The following MLIP variants were observed in gnomAD, a reference collection of about 807,000 sequenced individuals.
MLIP encodes muscular LMNA-interacting protein.
MLIP carries 79 observed loss-of-function variants against 84.8 expected under a neutral mutation model. The observed-to-expected ratio is 0.93, with a 90% CI of 0.78 to 1.12. The LOEUF is 1.12. Among genes scored for constraint, MLIP ranks in the 50% most tolerant of loss-of-function variants. The pLI, the probability that MLIP is intolerant of heterozygous loss-of-function variation, is 0.00. For synonymous variants in MLIP, 504 were observed against 463.0 expected (o/e 1.09, Z -1.14); for missense variants, 1,257 against 1,160.6 (o/e 1.08, Z -1.21).
At chr6:54,127,264 G>T (rs1484428111) in intron 3 of MLIP, among the ~76,000 whole-genome samples, 3 of 151,994 alleles carry the variant, frequency 2.0e-5, no homozygotes, top group African/African-American at 7.2e-5. Flanking sequence ...TCATTCTGTT[G>T]TAATAATTTA....
At position 54,252,678 on chromosome 6, in the gene MLIP, T is replaced by G. The variant is rs78116240; in HGVS notation, c.2923-4630T>G. ...ACTATGTTTATATGAGATCTTTAGC[T>G]TCATCTAAAAGGCACAGGCTACTGT... On this transcript the variant is annotated intron_variant, in intron 12 of 13. Transcript: ENST00000502396. Among the ~76,000 whole-genome samples the G allele has an allele frequency of 4.1e-3, 617 of 151,702 alleles. 5 individuals carry two copies. The highest frequency in any genetic ancestry group is 0.014 in the African/African-American group (580 of 41,400).
At chr6:54,047,833 G>A (rs917260861) in intron 1 of MLIP, among the ~76,000 whole-genome samples, 4 of 152,250 alleles carry the variant, frequency 2.6e-5, no homozygotes, top group Non-Finnish European at 5.9e-5. Context: ...CAATGGCCAT[G>A]AGGCAGAGAT....
chr6:54,021,260 G>A (rs886807369), intron 1 of MLIP, among the ~76,000 whole-genome samples: 9 of 151,892 alleles, frequency 5.9e-5, no homozygotes, highest in African/African-American at 1.5e-4. Flanking sequence ...AGTAAAGTTC[G>A]TAAAAGTCTG....
Position 54,069,069 on chromosome 6 carries a change from T to C in MLIP, c.63+49978T>C, listed in dbSNP as rs1319410915. On this transcript the variant is annotated intron_variant, in intron 1 of 12. Coordinates refer to the MLIP transcript ENST00000274897. The stretch of plus-strand genomic sequence containing the variant: ...CACCCACAGCTAGTGCTGATTGTCC[T>C]GACTGGTATGGGGATGCATCCGCAG... Among the ~76,000 whole-genome samples, 3 of 101,678 alleles carry C rather than the reference T, an allele frequency of 3.0e-5. 1 individual carries two copies. Among genetic ancestry groups the C allele is most frequent in the Non-Finnish European group, 8.5e-5 (3 of 35,320 alleles). The allele number at this position is 101,678 out of a possible 152,430, so 66.7% of individuals were successfully genotyped here. A position where few individuals can be genotyped will look rare whatever the true frequency, so the allele number is the denominator to read the frequency against.
intron 5 of MLIP, among the ~76,000 whole-genome samples, chr6:54,159,735 G>A (rs549367631): frequency 6.6e-6 from 1 of 152,118 alleles, no homozygotes; most frequent in African/African-American, 2.4e-5. Flanking sequence ...ATCCCTAAAT[G>A]TTGTAGATAA....
At chr6:54,150,447 T>C (rs2150526618) in intron 5 of MLIP, among the ~76,000 whole-genome samples, 1 of 152,294 alleles carries the variant, frequency 6.6e-6, no homozygotes, top group East Asian at 1.9e-4. Context: ...TGGTGGGAGA[T>C]GGTGGCAGAG....
chr6:54,254,108 C>G (rs540994656), intron 12 of MLIP, among the ~76,000 whole-genome samples: 419 of 147,738 alleles, frequency 2.8e-3, no homozygotes, highest in African/African-American at 1.0e-2. Context: ...CATTCACCTA[C>G]GTAGAACTTG....
chr6:54,162,345 C>G (rs1395692567), intron 8 of MLIP, among the ~76,000 whole-genome samples: 1 of 151,962 alleles, frequency 6.6e-6, no homozygotes, highest in East Asian at 1.9e-4. Context: ...AAGAAGTTAG[C>G]CAATGAGCTT....
At chr6:54,116,273 C>T (rs1265173471) in intron 1 of MLIP, among the ~76,000 whole-genome samples, 3 of 152,088 alleles carry the variant, frequency 2.0e-5, no homozygotes, top group East Asian at 1.9e-4. Flanking sequence ...CAGTGTTACT[C>T]TGACAAGAAG....
intron 9 of MLIP, among the ~76,000 whole-genome samples, chr6:54,172,604 T>C (rs976270746): frequency 4.0e-5 from 6 of 151,526 alleles, no homozygotes; most frequent in African/African-American, 1.5e-4. Flanking sequence ...TATTCATAGG[T>C]TTTCCAGTTT....
intron 1 of MLIP, among the ~76,000 whole-genome samples, chr6:54,040,092 A>C (rs1441351695): frequency 6.6e-6 from 1 of 151,942 alleles, no homozygotes; most frequent in Admixed American, 6.6e-5. Flanking sequence ...TGAGCACTTA[A>C]TGTGCATCAG....
chr6:54,148,812 G>A (rs780748907), intron 4 of MLIP, among the ~76,000 whole-genome samples: 13 of 152,114 alleles, frequency 8.5e-5, no homozygotes, highest in Non-Finnish European at 1.2e-4. Flanking sequence ...GCTCTGAAAT[G>A]GAGTGGCATA....
chr6:54,129,046 A>G (rs186834157), intron 3 of MLIP, among the ~76,000 whole-genome samples: 5 of 152,184 alleles, frequency 3.3e-5, no homozygotes, highest in Non-Finnish European at 5.9e-5. Context: ...TGAAAATAAG[A>G]CCAAAAGAAC....
chr6:54,151,162 A>T (rs973907837), intron 5 of MLIP, among the ~76,000 whole-genome samples: 1 of 151,490 alleles, frequency 6.6e-6, no homozygotes, highest in Non-Finnish European at 1.5e-5. Flanking sequence ...TGTTAAGTGA[A>T]TTTTTTTTTC....
chr6:54,135,348 G>A (rs1771710725), intron 3 of MLIP, among the ~76,000 whole-genome samples: 2 of 152,010 alleles, frequency 1.3e-5, no homozygotes, highest in South Asian at 2.1e-4. Flanking sequence ...GAATTCTTCC[G>A]TGTTGCAAAG....
At chr6:54,200,460 G>A (rs959919780) in intron 10 of MLIP, among the ~76,000 whole-genome samples, 4 of 152,030 alleles carry the variant, frequency 2.6e-5, no homozygotes, top group Middle Eastern at 3.2e-3. Context: ...TGCAGGAAGT[G>A]CAGGAATAGG....
rs755459601 is a variant in MLIP at position 54,137,535 on chromosome 6, A to C, written c.1466A>C (p.Gln489Pro). 2.0e-6 allele frequency: 3 copies of C among 1,536,044 alleles called. No homozygotes were observed. In the South Asian group the frequency reaches 3.6e-5, roughly 18 times the overall value. Residue 489 changes from glutamine to proline, a missense_variant, in exon 4 of 14, where the codon CAA (glutamine) becomes CCA (proline). Coordinates refer to ENST00000502396, the MANE Select transcript of MLIP (RefSeq NM_001281747.2). ...CTCCAGGTTTCTGAATTGACCCAGC[A>C]ATCTTTTCACCTGCCTGTTTTCACC... is the stretch of plus-strand genomic sequence containing the variant. ...GELQVSELTQQSFHLPVFTKS... is the reference protein window; with the variant it reads ...GELQVSELTQPSFHLPVFTKS...
chr6:54,252,469 TAA>T (rs1562110843), intron 12 of MLIP, among the ~76,000 whole-genome samples: 1 of 138,070 alleles, frequency 7.2e-6, no homozygotes, highest in African/African-American at 2.7e-5. Context: ...ACATATAATA[TAA>T]ATATAATATA....
chr6:54,145,972 T>C (rs1772789513), intron 4 of MLIP, among the ~76,000 whole-genome samples: 1 of 152,076 alleles, frequency 6.6e-6, no homozygotes, highest in Non-Finnish European at 1.5e-5. Context: ...CCTAACAAAA[T>C]GTTTCATGAA....
Sources: allele counts gnomAD v4.1 joint callset (sites outside exome capture counted in the v4.1 genomes callset), GRCh38; gene constraint gnomAD v4.1.1; transcripts MANE v1.5; gene names NCBI Gene and HGNC (gene_info 2026-07-23, HGNC 2026-07-21).